CERT1: variants seen among roughly 807,000 people sequenced by gnomAD.
The protein encoded by CERT1 is ceramide transfer protein.
In CERT1, 31 loss-of-function variants were observed where a neutral mutation model predicts 87.9. The ratio of observed to expected loss-of-function variants is 0.35; its 90% CI spans 0.27 to 0.48. The LOEUF is 0.48. Among genes scored for constraint, CERT1 ranks in the 20% least tolerant of loss-of-function variants. CERT1 has a pLI of 0.99. For missense variants in CERT1, 487 were observed against 758.0 expected, an observed-to-expected ratio of 0.64 and a Z score of 4.20; for synonymous variants, 289 against 250.9, an observed-to-expected ratio of 1.15 and a Z score of -1.44.
intron 1 of CERT1, among the ~76,000 whole-genome samples, chr5:75,510,687 T>A (rs1256640458): frequency 6.6e-6 from 1 of 151,990 alleles, no homozygotes; most frequent in Non-Finnish European, 1.5e-5. Context: ...GTCGAAAGAG[T>A]TGCGTCCGCA....
At chr5:75,505,171 C>CA (rs1205253990) in intron 2 of CERT1, 4 of 152,264 alleles carry the variant, frequency 2.6e-5, no homozygotes, top group Non-Finnish European at 4.4e-5. Flanking sequence ...GCTATAGTCC[C>CA]AGCTACTTGG....
At chr5:75,409,717 C>T (rs537038740) in intron 8 of CERT1, among the ~76,000 whole-genome samples, 10 of 151,982 alleles carry the variant, frequency 6.6e-5, no homozygotes, top group Non-Finnish European at 1.2e-4. Context: ...TTAGTAGAGA[C>T]GGGGTTTCAC....
rs189061338 is a variant in CERT1 at position 75,388,567 on chromosome 5, A to C, written c.1284+1025T>G. 1.3e-4 allele frequency among the ~76,000 whole-genome samples: 19 copies of C among 145,526 alleles called. No individual in the cohort carries two copies. In the East Asian group the frequency reaches 3.8e-3, roughly 29 times the overall value. ...CTCATCTGTACTCTTCACTCAGTAC[A>C]TTATCAGATGGAGCCAAGTATAGCA... On this transcript the variant is annotated intron_variant, in intron 12 of 16. Transcript: ENST00000643780.
At position 75,447,627 on chromosome 5, in the gene CERT1, C is replaced by T. The variant is rs373058190; in HGVS notation, c.348+11438G>A. Among the ~76,000 whole-genome samples the T allele has an allele frequency of 1.3e-3, 203 of 151,872 alleles. 5 individuals carry two copies. The East Asian group carries it at 0.017, about 13-fold the overall frequency. ...CTGGGACTACAGGTGCCCACCACCA[C>T]GCCCAGCTAATCTTTTTTTTGTACT... On this transcript the variant is annotated intron_variant, in intron 3 of 16. Transcript: ENST00000643780.
chr5:75,438,939 A>C (rs1314942964), intron 3 of CERT1, among the ~76,000 whole-genome samples: 2 of 151,702 alleles, frequency 1.3e-5, no homozygotes, highest in African/African-American at 4.8e-5. Flanking sequence ...TTTTCTTTTA[A>C]GAGCAATACC....
chr5:75,382,619 A>G (rs532267158), intron 14 of CERT1, among the ~76,000 whole-genome samples: 2 of 152,150 alleles, frequency 1.3e-5, no homozygotes, highest in East Asian at 1.9e-4. Context: ...AATGACATGG[A>G]GCCTAGGTCT....
intron 2 of CERT1, among the ~76,000 whole-genome samples, chr5:75,490,432 CT>C (rs1177904296): frequency 1.3e-5 from 2 of 151,914 alleles, no homozygotes; most frequent in African/African-American, 4.8e-5. Flanking sequence ...TTTTCTGATC[CT>C]TTTTATCTTA....
chr5:75,459,722 T>C (rs1580801507), intron 2 of CERT1, among the ~76,000 whole-genome samples: 2 of 152,032 alleles, frequency 1.3e-5, no homozygotes, highest in African/African-American at 4.8e-5. Context: ...CCCAGCACTT[T>C]GGAAGGCCAA....
intron 2 of CERT1, among the ~76,000 whole-genome samples, chr5:75,469,714 G>A (rs1765627777): frequency 6.6e-6 from 1 of 152,034 alleles, no homozygotes; most frequent in African/African-American, 2.4e-5. Flanking sequence ...CAGCAGTTAA[G>A]CCCTTATCTA....
chr5:75,438,389 G>A (rs1242954899), intron 3 of CERT1, among the ~76,000 whole-genome samples: 6 of 152,082 alleles, frequency 3.9e-5, no homozygotes, highest in Non-Finnish European at 8.8e-5. Flanking sequence ...GCTTTTTGAG[G>A]GTGAAGCAGG....
intron 2 of CERT1, among the ~76,000 whole-genome samples, chr5:75,495,710 C>A (rs774569630): frequency 1.1e-4 from 17 of 152,060 alleles, no homozygotes; most frequent in Non-Finnish European, 2.4e-4. Context: ...CAACAGAGTG[C>A]CACTGCAGAT....
intron 5 of CERT1, among the ~76,000 whole-genome samples, chr5:75,419,720 T>C (rs978136505): frequency 1.3e-5 from 2 of 152,200 alleles, no homozygotes; most frequent in South Asian, 2.1e-4. Context: ...CCCGAGATGA[T>C]TACAGTATCA....
At chr5:75,449,241 C>G (rs1190905403) in intron 3 of CERT1, among the ~76,000 whole-genome samples, 1 of 151,590 alleles carries the variant, frequency 6.6e-6, no homozygotes, top group Non-Finnish European at 1.5e-5. Flanking sequence ...GAAACAGAAA[C>G]TAAGAATAGG....
Position 75,426,418 on chromosome 5 carries a change from C to T in CERT1, c.409G>A (p.Val137Met), listed in dbSNP as rs762874937. The T allele has an allele frequency of 1.2e-6, 2 of 1,613,762 alleles. No homozygotes were observed. The highest frequency in any genetic ancestry group is 2.2e-5 in the South Asian group (2 of 91,066). ...GCAGAGTAGCCACTTGCTCCAGACA[C>T]CAGGGACACCATTGAGCCATGTCGA... ...LRRHGSMVSL[V>M]SGASGYSATS... Residue 137 changes from valine to methionine, a missense_variant, in exon 4 of 17, where the codon GTG (valine) becomes ATG (methionine). Physicochemically the swap from Val to Met is conservative, Grantham distance 21 (BLOSUM62 1). Coordinates refer to ENST00000643780, the MANE Select transcript of CERT1 (RefSeq NM_001379029.1).
Position 75,379,468 on chromosome 5 carries a change from G to A in CERT1, c.1753C>T (p.Pro585Ser). 1 of 1,611,720 alleles carries A rather than the reference G, an allele frequency of 6.2e-7. No individual in the cohort carries two copies. The highest frequency in any genetic ancestry group is 8.5e-7 in the Non-Finnish European group (1 of 1,179,244). ...CKITYVANVN[P>S]GGWAPASVLR... is the part of the protein sequence containing the mutation. ...ACTGAGGCTGGTGCCCATCCTCCAG[G>A]GTTCACTGCAAGATAAAGGAAAATT... is the stretch of plus-strand genomic sequence containing the variant. The change falls in exon 17 of 17, where the codon CCT (proline) becomes TCT (serine). Residue 585 changes from proline (P) to serine (S), a missense_variant. Transcript: ENST00000643780.
chr5:75,382,737 T>C (rs1412454911), intron 14 of CERT1, among the ~76,000 whole-genome samples: 2 of 151,800 alleles, frequency 1.3e-5, no homozygotes, highest in East Asian at 1.9e-4. Context: ...GTCCTTGTTA[T>C]GCAGCGTCAT....
chr5:75,477,950 T>C lies in CERT1; in HGVS notation c.232-18769A>G, dbSNP rs553801321. On this transcript the variant is annotated intron_variant, in intron 2 of 16. Coordinates refer to ENST00000643780, the MANE Select transcript of CERT1 (RefSeq NM_001379029.1). ...GTGGGTAAATATGGTGGCAGATTGA[T>C]ACATTCATCTTGACTTAACAAACCC... 2.6e-5 allele frequency among the ~76,000 whole-genome samples: 4 copies of C among 152,260 alleles called. No homozygotes were observed. In the South Asian group the frequency reaches 8.3e-4, roughly 32 times the overall value.
In CERT1 at chr5:75,426,353, C is replaced by A. The variant is rs543976134; in HGVS notation, c.456+18G>T. 1 of 1,521,274 alleles carries A rather than the reference C, an allele frequency of 6.6e-7. No individual in the cohort carries two copies. Among genetic ancestry groups the A allele is most frequent in the Non-Finnish European group, 9.1e-7 (1 of 1,095,884 alleles). 94.2% of individuals were successfully genotyped at this position (1,521,274 alleles called of 1,614,324 possible). A position where few individuals can be genotyped will look rare whatever the true frequency, so the allele number is the denominator to read the frequency against. On this transcript the variant is annotated intron_variant, in intron 4 of 16. Transcript: ENST00000643780. ...TCAATTTATGTTGTTTAACTTAAGG[C>A]ATCCATTAACTACACACCTTGAATG...
chr5:75,459,962 CAAAAAAAAAAA>C (rs753591061), intron 2 of CERT1, among the ~76,000 whole-genome samples: 3 of 25,532 alleles, frequency 1.2e-4, no homozygotes, highest in Admixed American at 4.5e-4. Flanking sequence ...TCCTCCGTCT[CAAAAAAAAAAA>C]AAAAAAAAAA....
Sources: gnomAD v4.1 joint callset for allele counts (sites outside exome capture counted in the v4.1 genomes callset) on GRCh38, gnomAD v4.1.1 for gene constraint, MANE v1.5 for transcripts, NCBI Gene and HGNC (gene_info 2026-07-23, HGNC 2026-07-21) for gene names.